Variants in THBS2 observed in about 807,000 individuals in gnomAD.
THBS2 encodes the protein thrombospondin-2.
THBS2 carries 47 observed loss-of-function variants against 135.2 expected under a neutral mutation model. The ratio of observed to expected loss-of-function variants is 0.35; its 90% CI spans 0.28 to 0.44. The LOEUF (loss-of-function observed/expected upper bound fraction) is 0.44, where lower values mean the gene tolerates loss of function less well. THBS2 is among the 20% of genes least tolerant of loss of function. THBS2 has a pLI of 1.00. For synonymous variants in THBS2, 639 were observed against 633.8 expected (o/e 1.01, Z -0.12); for missense variants, 1,288 against 1,603.1 (o/e 0.80, Z 3.36).
At chr6:169,234,663 C>A in intron 10 of THBS2, 71 bp downstream of exon 10, 2 of 1,367,856 alleles carry the variant, frequency 1.5e-6, no homozygotes, top group Non-Finnish European at 1.9e-6. Context: ...ATCTAGTTTC[C>A]CAAAGCGTTT....
Position 169,217,641 on chromosome 6 carries a change from A to T in THBS2, c.*181T>A, listed in dbSNP as rs1342800089. The T allele has an allele frequency of 3.5e-6, 2 of 570,780 alleles. No individual in the cohort carries two copies. The highest frequency in any genetic ancestry group is 6.1e-6 in the Non-Finnish European group (2 of 328,036). The allele number at this position is 570,780 out of a possible 1,614,324, so 35.4% of individuals were successfully genotyped here. ...AGATGTTCATCTCTGAGTTCCATTG[A>T]TATTTATCCTCTGAAGGCACTTGGG... On this transcript the variant is annotated 3_prime_UTR_variant, in exon 22 of 22. Coordinates refer to ENST00000617924, the MANE Select transcript of THBS2 (RefSeq NM_003247.5).
intron 4 of THBS2, among the ~76,000 whole-genome samples, chr6:169,243,235 C>T (rs944177539): frequency 6.6e-6 from 1 of 152,148 alleles, no homozygotes; most frequent in Non-Finnish European, 1.5e-5. Context: ...CCACCACTCC[C>T]TCTGAAGCCC....
chr6:169,239,653 T>A lies in THBS2; in HGVS notation c.1075A>T (p.Thr359Ser), dbSNP rs148598753. ...ICHQITCPPA[T>S]CASPSFVEGE... ...TCCACAAAGGATGGACTGGCGCAGGTTGCAGGCGGGCAGGTGATTTGGTGG... is the reference window on the plus strand; with the variant it reads ...TCCACAAAGGATGGACTGGCGCAGGATGCAGGCGGGCAGGTGATTTGGTGG... Residue 359 changes from threonine to serine, a missense_variant, in exon 7 of 22, where the codon ACC becomes TCC. Transcript: ENST00000617924. The A allele has an allele frequency of 5.1e-5, 82 of 1,606,262 alleles. No individual in the cohort carries two copies. In the African/African-American group the frequency reaches 1.1e-3, roughly 21 times the overall value.
rs137970006 is a variant in THBS2 at position 169,215,943 on chromosome 6, C to T, written c.*1879G>A. The stretch of plus-strand genomic sequence containing the variant: ...ACACATGACGTTTCATCAACCTATA[C>T]GATAAATTTGTTTAGAAAAACATAA... On this transcript the variant is annotated 3_prime_UTR_variant, in exon 22 of 22. Coordinates refer to ENST00000617924, the MANE Select transcript of THBS2 (RefSeq NM_003247.5). The T allele has an allele frequency of 3.3e-5, 5 of 152,546 alleles. No individual in the cohort carries two copies. The highest frequency in any genetic ancestry group is 1.3e-4 in the Admixed American group (2 of 15,280). The allele number at this position is 152,546 out of a possible 1,614,324, so 9.4% of individuals were successfully genotyped here.
chr6:169,248,400 C>T lies in THBS2; in HGVS notation c.609+17G>A. 6.3e-7 allele frequency: 1 copy of T among 1,585,326 alleles called. No homozygotes were observed. Among genetic ancestry groups the T allele is most frequent in the Non-Finnish European group, 8.6e-7 (1 of 1,160,690 alleles). On this transcript the variant is annotated intron_variant, in intron 3 of 21. Coordinates refer to ENST00000617924, the MANE Select transcript of THBS2 (RefSeq NM_003247.5). ...CTCTTTCCTCCCTCACGGCGGCCAC[C>T]TCCCTGCAGAGCGTACCCTGAAGTG...
At chr6:169,236,340 C>T (rs1490965429) in intron 9 of THBS2, among the ~76,000 whole-genome samples, 1 of 124,428 alleles carries the variant, frequency 8.0e-6, no homozygotes. Flanking sequence ...CATCCACACT[C>T]ACTCCCCATC....
rs781255126 is a variant in THBS2 at position 169,231,970 on chromosome 6, C to G, written c.2151+10G>C. On this transcript the variant is annotated intron_variant, in intron 13 of 21. Coordinates refer to ENST00000617924, the MANE Select transcript of THBS2 (RefSeq NM_003247.5). ...GTGGCCCCGTGTGCCCTGCGAGCCC[C>G]GCGCCTCACCTTGATGCAGTGGTAG... 1.2e-6 allele frequency: 2 copies of G among 1,612,936 alleles called. No individual in the cohort carries two copies. The highest frequency in any genetic ancestry group is 1.7e-6 in the Non-Finnish European group (2 of 1,179,742).
intron 1 of THBS2, among the ~76,000 whole-genome samples, chr6:169,251,163 TCTGTTCATACGA>T (rs1346472442): frequency 1.3e-5 from 2 of 152,304 alleles, no homozygotes; most frequent in Middle Eastern, 6.8e-3. Flanking sequence ...CTGGAGTAAT[TCTGTTCATACGA>T]CTCGTAGACA....
At chr6:169,220,396 C>T in intron 20 of THBS2, 59 bp from the exon 21 acceptor site, 1 of 1,562,594 alleles carries the variant, frequency 6.4e-7, no homozygotes, top group South Asian at 1.2e-5. Flanking sequence ...CTCTGTGAAG[C>T]ATTCACCAGT....
intron 18 of THBS2, 152 bp from the exon 19 acceptor site, chr6:169,222,620 C>T (rs1160608098): frequency 1.2e-6 from 1 of 852,902 alleles, no homozygotes; most frequent in Admixed American, 2.7e-5. Flanking sequence ...TATGGTGAAA[C>T]CTTGTCTCTA....
intron 7 of THBS2, 148 bp from the exon 8 acceptor site, chr6:169,237,943 C>G: frequency 9.4e-7 from 1 of 1,059,642 alleles, no homozygotes; most frequent in East Asian, 2.7e-5. Context: ...AGGTGGACAT[C>G]CCAGTGGCTG....
chr6:169,253,636 C>A (rs1780823794), intron 1 of THBS2, 88 bp downstream of exon 1: 1 of 152,234 alleles, frequency 6.6e-6, no homozygotes, highest in South Asian at 2.1e-4. Context: ...GCTCCTTTTT[C>A]TTCTCCGCTT....
At position 169,239,647 on chromosome 6, in the gene THBS2, C is replaced by G; in HGVS notation, c.1081G>C (p.Ala361Pro). The G allele has an allele frequency of 6.2e-7, 1 of 1,606,838 alleles. No individual in the cohort carries two copies. Among genetic ancestry groups the G allele is most frequent in the Non-Finnish European group, 8.5e-7 (1 of 1,177,174 alleles). Reference sequence around the variant, plus strand: ...TCGCCTTCCACAAAGGATGGACTGGCGCAGGTTGCAGGCGGGCAGGTGATT... The same window carrying G: ...TCGCCTTCCACAAAGGATGGACTGGGGCAGGTTGCAGGCGGGCAGGTGATT... ...HQITCPPATC[A>P]SPSFVEGECC... is the part of the protein sequence containing the mutation. Residue 361 changes from alanine (A) to proline (P), a missense_variant, in exon 7 of 22, where the codon GCC becomes CCC. This residue lies in a region of THBS2 where 874 missense variants were observed against 1,156.1 expected (regional missense o/e 0.76). Transcript: ENST00000617924.
rs1158447048 is a variant in THBS2 at position 169,250,667 on chromosome 6, T to C, written c.52+66A>G. 9 of 1,451,764 alleles carry C rather than the reference T, an allele frequency of 6.2e-6. No individual in the cohort carries two copies. The South Asian group carries it at 6.3e-5, about 10-fold the overall frequency. 89.9% of individuals were successfully genotyped at this position (1,451,764 alleles called of 1,614,324 possible). ...CAACCACACACTTTATTTTGTCATCTCTCCCCTTGCAGCTAAGCCATATCT... is the reference window on the plus strand; with the variant it reads ...CAACCACACACTTTATTTTGTCATCCCTCCCCTTGCAGCTAAGCCATATCT... On this transcript the variant is annotated intron_variant, in intron 2 of 21. Coordinates refer to ENST00000617924, the MANE Select transcript of THBS2 (RefSeq NM_003247.5).
At chr6:169,218,915 GTGGA>G (rs926110780) in intron 21 of THBS2, among the ~76,000 whole-genome samples, 2 of 149,456 alleles carry the variant, frequency 1.3e-5, no homozygotes, top group Non-Finnish European at 3.0e-5. Context: ...GATGAGATGA[GTGGA>G]TGGATGGATG....
intron 8 of THBS2, 41 bp from the exon 9 acceptor site, chr6:169,237,387 G>A: frequency 1.9e-6 from 3 of 1,609,984 alleles, no homozygotes; most frequent in Non-Finnish European, 2.5e-6. Flanking sequence ...GTGCCGCCTA[G>A]AGGGGTATTT....
At position 169,226,180 on chromosome 6, in the gene THBS2, C is replaced by G; in HGVS notation, c.2538G>C (p.Gln846His). 1 of 1,611,914 alleles carries G rather than the reference C, an allele frequency of 6.2e-7. No individual in the cohort carries two copies. The highest frequency in any genetic ancestry group is 8.5e-7 in the Non-Finnish European group (1 of 1,178,906). The change falls in exon 16 of 22, where the codon CAG becomes CAC. Residue 846 changes from glutamine (Q) to histidine (H), a missense_variant and splice_region_variant. By Grantham distance (24) the Gln-to-His change is conservative. Around this residue, in one of 2 missense-constraint regions of THBS2, gnomAD observed 874 missense variants for 1,156.1 expected, o/e 0.76. Transcript: ENST00000617924. Reference protein sequence around the residue: ...DNCPLVHNPDQTDVDNDLVGD... With the variant: ...DNCPLVHNPDHTDVDNDLVGD... The stretch of plus-strand genomic sequence containing the variant: ...CCCGCCTGTCTGCGGCTGCCCTCAC[C>G]TGGTCAGGGTTGTGCACCAGGGGGC...
intron 15 of THBS2, among the ~76,000 whole-genome samples, chr6:169,226,965 G>A (rs940746277): frequency 6.6e-6 from 1 of 152,126 alleles, no homozygotes; most frequent in Non-Finnish European, 1.5e-5. Flanking sequence ...AAAAATGGAA[G>A]GGACTGGAGC....
chr6:169,230,566 G>A (rs1296865786), intron 13 of THBS2, among the ~76,000 whole-genome samples: 1 of 152,182 alleles, frequency 6.6e-6, no homozygotes, highest in Non-Finnish European at 1.5e-5. Context: ...ATGGGAACGG[G>A]CACAGGGGTC....
Sources: gnomAD v4.1 joint callset for allele counts (sites outside exome capture counted in the v4.1 genomes callset) on GRCh38, gnomAD v4.1.1 for gene constraint, gnomAD v4.1.1 regional missense constraint, MANE v1.5 for transcripts, NCBI Gene and HGNC (gene_info 2026-07-23, HGNC 2026-07-21) for gene names.